EP300: variants seen among roughly 807,000 people sequenced by gnomAD.
EP300 encodes histone acetyltransferase p300.
Under a neutral mutation model 264.0 loss-of-function variants are expected in EP300, and 31 were observed. The observed-to-expected ratio is 0.12, with a 90% CI of 0.09 to 0.16. The LOEUF is 0.16. EP300 is among the 10% of genes least tolerant of loss of function. The pLI, the probability that EP300 is intolerant of heterozygous loss-of-function variation, is 1.00. For synonymous variants in EP300, 1,340 were observed against 1,045.4 expected, an observed-to-expected ratio of 1.28 and a Z score of -5.44; for missense variants, 2,766 against 3,052.9, an observed-to-expected ratio of 0.91 and a Z score of 2.21.
Position 41,163,389 on chromosome 22 carries a change from C to T in EP300, c.3728+610C>T, listed in dbSNP as rs1225125175. 3.6e-5 allele frequency among the ~76,000 whole-genome samples: 5 copies of T among 137,314 alleles called. No individual in the cohort carries two copies. In the Admixed American group the frequency reaches 3.7e-4, roughly 10 times the overall value. The allele number at this position is 137,314 out of a possible 152,430, so 90.1% of individuals were successfully genotyped here. A position where few individuals can be genotyped will look rare whatever the true frequency, so the allele number is the denominator to read the frequency against. Reference sequence around the variant, plus strand: ...GGCGGAGCTTGCAGTGAGCCGAGATCCCGCCACTGCACTCCAGCCTGGGCG... The same window carrying T: ...GGCGGAGCTTGCAGTGAGCCGAGATTCCGCCACTGCACTCCAGCCTGGGCG... On this transcript the variant is annotated intron_variant, in intron 21 of 30. Transcript: ENST00000263253.
intron 29 of EP300, among the ~76,000 whole-genome samples, chr22:41,175,721 C>T (rs1181989390): frequency 1.3e-5 from 2 of 152,200 alleles, no homozygotes; most frequent in African/African-American, 2.4e-5. Flanking sequence ...AAGTAGACTG[C>T]CTTGAGGCAA....
chr22:41,167,653 G>GTTTT (rs1482437238), intron 23 of EP300, among the ~76,000 whole-genome samples: 2 of 107,870 alleles, frequency 1.9e-5, no homozygotes, highest in Middle Eastern at 5.3e-3. Context: ...GGTTGGTTGG[G>GTTTT]TTTTTTGTTT....
At position 41,117,710 on chromosome 22, in the gene EP300, G is replaced by A. The variant is rs2145697571; in HGVS notation, c.618G>A (p.Gln206=). 6.2e-7 allele frequency: 1 copy of A among 1,614,216 alleles called. No homozygotes were observed. The highest frequency in any genetic ancestry group is 8.5e-7 in the Non-Finnish European group (1 of 1,180,038). The change falls in exon 2 of 31, where the codon CAG becomes CAA. Residue 206 remains glutamine, a synonymous_variant. Coordinates refer to ENST00000263253, the MANE Select transcript of EP300 (RefSeq NM_001429.4). ...IGAGRGRQNM[Q]YPNPGMGSAG... is the part of the protein sequence containing the mutation. ...CAGGCCGAGGGCGACAGAATATGCA[G>A]TACCCAAACCCAGGCATGGGAAGTG...
chr22:41,112,141 GC>G (rs1359078109), intron 1 of EP300, among the ~76,000 whole-genome samples: 1 of 151,624 alleles, frequency 6.6e-6, no homozygotes, highest in Non-Finnish European at 1.5e-5. Context: ...GCCCGCCTTG[GC>G]CTCCCAAAGT....
At chr22:41,147,686 G>A (rs533641445) in intron 11 of EP300, 151 bp from the exon 12 acceptor site, 40 of 611,586 alleles carry the variant, frequency 6.5e-5, no homozygotes, top group East Asian at 1.2e-4. Flanking sequence ...TGCAGTGAGC[G>A]GAGATTGCGC....
intron 18 of EP300, 104 bp downstream of exon 18, chr22:41,157,512 CTTTT>C (rs1214250106): frequency 2.9e-3 from 1,290 of 442,478 alleles, no homozygotes; most frequent in East Asian, 5.4e-3. Flanking sequence ...TTTGACATGG[CTTTT>C]TTTTTTTTTT....
intron 1 of EP300, among the ~76,000 whole-genome samples, chr22:41,106,007 T>C (rs1294444616): frequency 6.6e-6 from 1 of 152,252 alleles, no homozygotes; most frequent in East Asian, 1.9e-4. Context: ...TTAATGTTCC[T>C]TCAAATTACG....
In EP300 at chr22:41,127,478, A is replaced by G. The variant is rs1472439923; in HGVS notation, c.907-9A>G. 6.2e-6 allele frequency: 10 copies of G among 1,613,920 alleles called. No individual in the cohort carries two copies. The South Asian group carries it at 6.6e-5, about 11-fold the overall frequency. ...CTCCTACCATTAAATATATTGTTAT[A>G]TCTCTCAGGGTCAACAGCCAGCCCC... On this transcript the variant is annotated splice_polypyrimidine_tract_variant and intron_variant, in intron 3 of 30. Coordinates refer to ENST00000263253, the MANE Select transcript of EP300 (RefSeq NM_001429.4).
At chr22:41,156,959 A>T (rs2059080910) in intron 17 of EP300, among the ~76,000 whole-genome samples, 1 of 152,266 alleles carries the variant, frequency 6.6e-6, no homozygotes, top group South Asian at 2.1e-4. Flanking sequence ...GAAAGTCCAT[A>T]GTAGTTCTGT....
At chr22:41,132,970 C>T (rs1044060001) in intron 6 of EP300, among the ~76,000 whole-genome samples, 1 of 152,148 alleles carries the variant, frequency 6.6e-6, no homozygotes, top group African/African-American at 2.4e-5. Context: ...GTGTCTATCC[C>T]TCTGCTGTCA....
intron 1 of EP300, among the ~76,000 whole-genome samples, chr22:41,099,110 G>GC (rs1223106520): frequency 6.6e-6 from 1 of 152,138 alleles, no homozygotes; most frequent in Non-Finnish European, 1.5e-5. Flanking sequence ...TGTTGCCCAA[G>GC]CTGGAGTACA....
At chr22:41,102,672 A>G (rs1356146819) in intron 1 of EP300, among the ~76,000 whole-genome samples, 1 of 152,186 alleles carries the variant, frequency 6.6e-6, no homozygotes, top group African/African-American at 2.4e-5. Context: ...GAGACCAGTG[A>G]AACAGCTGTT....
At chr22:41,153,063 A>G (rs1373057388) in intron 16 of EP300, among the ~76,000 whole-genome samples, 2 of 152,144 alleles carry the variant, frequency 1.3e-5, no homozygotes, top group African/African-American at 2.4e-5. Flanking sequence ...GCCTCATTTA[A>G]TAATTTCACA....
chr22:41,120,385 A>C (rs1179610783), intron 2 of EP300, among the ~76,000 whole-genome samples: 1 of 152,166 alleles, frequency 6.6e-6, no homozygotes, highest in East Asian at 1.9e-4. Context: ...CACTGTACCA[A>C]GTCCTAAAAT....
In EP300 at chr22:41,179,064, C is replaced by T. The variant is rs2059223428; in HGVS notation, c.*108C>T. 1.5e-6 allele frequency: 2 copies of T among 1,361,926 alleles called. No homozygotes were observed. Among genetic ancestry groups the T allele is most frequent in the Admixed American group, 1.9e-5 (1 of 52,164 alleles). 84.4% of individuals were successfully genotyped at this position (1,361,926 alleles called of 1,614,324 possible). The stretch of plus-strand genomic sequence containing the variant: ...TTTCGTAGCCTAAAAGACAATTTTC[C>T]TTGGAACACATAAGAACTGTGCAGT... On this transcript the variant is annotated 3_prime_UTR_variant, in exon 31 of 31. Transcript: ENST00000263253.
rs760760603 is a variant in EP300, at chr22:41,092,956, T to A, written c.-49T>A. On this transcript the variant is annotated 5_prime_UTR_variant, in exon 1 of 31. Transcript: ENST00000263253. ...GGGGACCCCGGGCCGAAGAAGAGAT[T>A]TCCTGAGGATTCTGGTTTTCCTCGC... The A allele has an allele frequency of 1.2e-6, 2 of 1,608,008 alleles. No individual in the cohort carries two copies. Among genetic ancestry groups the A allele is most frequent in the Non-Finnish European group, 1.7e-6 (2 of 1,174,694 alleles).
chr22:41,164,345 C>A (rs1321727321), intron 22 of EP300, among the ~76,000 whole-genome samples: 1 of 152,158 alleles, frequency 6.6e-6, no homozygotes, highest in Non-Finnish European at 1.5e-5. Flanking sequence ...ATGCATTCTT[C>A]TTAGCCATAT....
chr22:41,110,916 A>T (rs1460728118), intron 1 of EP300, among the ~76,000 whole-genome samples: 3 of 149,196 alleles, frequency 2.0e-5, no homozygotes, highest in East Asian at 2.0e-4. Context: ...TTGAGTTTAC[A>T]CCTGTTTTAT....
intron 7 of EP300, among the ~76,000 whole-genome samples, chr22:41,136,386 C>G (rs1209611095): frequency 6.6e-6 from 1 of 152,236 alleles, no homozygotes. Flanking sequence ...TAGCCTACAC[C>G]TTCCCTAATA....
Sources: allele counts gnomAD v4.1 joint callset (sites outside exome capture counted in the v4.1 genomes callset), GRCh38; gene constraint gnomAD v4.1.1; transcripts MANE v1.5; gene names NCBI Gene and HGNC (gene_info 2026-07-23, HGNC 2026-07-21).